The following AGTPBP1 variants were observed in gnomAD, a reference collection of about 807,000 sequenced individuals.
AGTPBP1 encodes ATP/GTP binding carboxypeptidase 1.
Under a neutral mutation model 143.9 loss-of-function variants are expected in AGTPBP1, and 70 were observed. The observed-to-expected ratio is 0.49, with a 90% CI of 0.40 to 0.59. The LOEUF is 0.59. Among genes scored for constraint, AGTPBP1 ranks in the 20% least tolerant of loss-of-function variants. AGTPBP1 has a pLI of 0.00. For synonymous variants in AGTPBP1, 463 were observed against 500.2 expected (o/e 0.93, Z 0.99); for missense variants, 1,229 against 1,464.5 (o/e 0.84, Z 2.62).
intron 23 of AGTPBP1, among the ~76,000 whole-genome samples, chr9:85,582,702 A>G (rs971683717): frequency 6.6e-6 from 1 of 151,996 alleles, no homozygotes; most frequent in Non-Finnish European, 1.5e-5. Flanking sequence ...CACTCCATTT[A>G]TATGTCATAA....
chr9:85,763,922 T>C, the AGTPBP1 span, among the ~76,000 whole-genome samples: 1 of 152,214 alleles, frequency 6.6e-6, no homozygotes, highest in Non-Finnish European at 1.5e-5. Flanking sequence ...ACAAATTACC[T>C]GAAATTTGAC....
Position 85,741,813 on chromosome 9 carries a change from CG to C in AGTPBP1, c.-73del. On this transcript the variant is annotated 5_prime_UTR_variant, in exon 1 of 26. An upstream open reading frame in the 5' UTR gains an earlier in-frame stop. Coordinates refer to ENST00000357081, the MANE Select transcript of AGTPBP1 (RefSeq NM_001330701.2). ...GGCGCTGGCGGGGACCGCGCAGAGC[CG>C]CAGCACCCGGCTCAGCACCTGGATC... The C allele has an allele frequency of 7.2e-7, 1 of 1,382,128 alleles. No individual in the cohort carries two copies. Among genetic ancestry groups the C allele is most frequent in the Non-Finnish European group, 9.3e-7 (1 of 1,069,730 alleles). The allele number at this position is 1,382,128 out of a possible 1,614,324, so 85.6% of individuals were successfully genotyped here. A position where few individuals can be genotyped will look rare whatever the true frequency, so the allele number is the denominator to read the frequency against.
chr9:85,693,440 T>C (rs1450116524), intron 2 of AGTPBP1, among the ~76,000 whole-genome samples: 1 of 151,992 alleles, frequency 6.6e-6, no homozygotes, highest in Non-Finnish European at 1.5e-5. Flanking sequence ...TTACTAAAAA[T>C]ACAAAAAAAT....
At chr9:85,659,273 C>A (rs548764849) in intron 9 of AGTPBP1, among the ~76,000 whole-genome samples, 41 of 152,216 alleles carry the variant, frequency 2.7e-4, no homozygotes, top group African/African-American at 9.6e-4. Context: ...GTCTCTTCTT[C>A]CCTCTCTAAA....
chr9:85,671,273 A>AT (rs1476775023), intron 7 of AGTPBP1, among the ~76,000 whole-genome samples: 1 of 151,976 alleles, frequency 6.6e-6, no homozygotes, highest in African/African-American at 2.4e-5. Flanking sequence ...ATACAGTTTT[A>AT]TTTTTTAAAT....
the AGTPBP1 span, among the ~76,000 whole-genome samples, chr9:85,797,314 G>T: frequency 6.6e-6 from 1 of 151,882 alleles, no homozygotes; most frequent in African/African-American, 2.4e-5. Flanking sequence ...TCACAATGTT[G>T]CCTGGCCTGG....
chr9:85,653,555 G>A (rs1043025370), intron 11 of AGTPBP1, among the ~76,000 whole-genome samples: 4 of 152,132 alleles, frequency 2.6e-5, no homozygotes, highest in African/African-American at 4.8e-5. Flanking sequence ...ACTACTGGCC[G>A]CAGCACAGGG....
chr9:85,728,163 G>A (rs554299796), intron 1 of AGTPBP1, among the ~76,000 whole-genome samples: 1 of 151,504 alleles, frequency 6.6e-6, no homozygotes, highest in African/African-American at 2.4e-5. Context: ...TTGTTTCTTG[G>A]GCTTGTGAGT....
upstream of AGTPBP1, chr9:85,742,135 C>G (rs1392873684): frequency 3.7e-6 from 3 of 815,790 alleles, no homozygotes; most frequent in East Asian, 1.6e-4. Flanking sequence ...CCCCGCCTCT[C>G]TGCGCGCCTG....
chr9:85,572,898 T>C (rs570599734), intron 25 of AGTPBP1, among the ~76,000 whole-genome samples: 31 of 152,310 alleles, frequency 2.0e-4, no homozygotes, highest in African/African-American at 6.7e-4. Flanking sequence ...CTAAAACTAC[T>C]ATACTGACAT....
Position 85,677,606 on chromosome 9 carries a change from T to C in AGTPBP1, c.290-24A>G, listed in dbSNP as rs766033644. 6.4e-6 allele frequency: 9 copies of C among 1,397,330 alleles called. No individual in the cohort carries two copies. The South Asian group carries it at 1.3e-4, about 20-fold the overall frequency. The allele number at this position is 1,397,330 out of a possible 1,614,324, so 86.6% of individuals were successfully genotyped here. A position where few individuals can be genotyped will look rare whatever the true frequency, so the allele number is the denominator to read the frequency against. Reference sequence around the variant, plus strand: ...ACCTAAAAATTAAAAAAAAAAAAAATTTAAACAACAAATTAAAAAAAAATT... The same window carrying C: ...ACCTAAAAATTAAAAAAAAAAAAAACTTAAACAACAAATTAAAAAAAAATT... On this transcript the variant is annotated intron_variant, in intron 5 of 25. Coordinates refer to ENST00000357081, the MANE Select transcript of AGTPBP1 (RefSeq NM_001330701.2).
At chr9:85,795,968 T>C in the AGTPBP1 span, among the ~76,000 whole-genome samples, 13 of 147,634 alleles carry the variant, frequency 8.8e-5, no homozygotes, top group African/African-American at 3.3e-4. Flanking sequence ...TAAGAGATGG[T>C]TGGAGAGTGG....
intron 1 of AGTPBP1, among the ~76,000 whole-genome samples, chr9:85,730,377 T>C (rs1838799453): frequency 6.6e-6 from 1 of 152,190 alleles, no homozygotes; most frequent in Non-Finnish European, 1.5e-5. Flanking sequence ...TTAAGCTGTG[T>C]CAGTAGACGG....
intron 2 of AGTPBP1, among the ~76,000 whole-genome samples, chr9:85,703,807 GA>G (rs1232445118): frequency 6.6e-6 from 1 of 152,190 alleles, no homozygotes; most frequent in African/African-American, 2.4e-5. Context: ...GTTAAAAGGA[GA>G]AAAAGTTTAG....
At chr9:85,625,990 A>G (rs1195511226) in intron 14 of AGTPBP1, among the ~76,000 whole-genome samples, 1 of 147,822 alleles carries the variant, frequency 6.8e-6, no homozygotes, top group African/African-American at 2.5e-5. Flanking sequence ...TCTCTGCAGG[A>G]TGGGACAAAA....
At position 85,711,077 on chromosome 9, in the gene AGTPBP1, A is replaced by C. The variant is rs186371215; in HGVS notation, c.32+1425T>G. ...ATTCATTATATAACAGATTTAACGC[A>C]TACCAATGAATGTAAAGTTATATAC... On this transcript the variant is annotated intron_variant, in intron 2 of 25. Coordinates refer to ENST00000357081, the MANE Select transcript of AGTPBP1 (RefSeq NM_001330701.2). Among the ~76,000 whole-genome samples, 75 of 152,342 alleles carry C rather than the reference A, an allele frequency of 4.9e-4. 1 individual carries two copies. The highest frequency in any genetic ancestry group is 1.4e-3 in the African/African-American group (59 of 41,588).
intron 25 of AGTPBP1, among the ~76,000 whole-genome samples, chr9:85,549,128 G>T (rs11141017): frequency 6.6e-6 from 1 of 152,184 alleles, no homozygotes; most frequent in Middle Eastern, 3.2e-3. Flanking sequence ...GGAAAAGAGG[G>T]AAGGGAGAAA....
At chr9:85,779,226 TATAGATATAG>T in the AGTPBP1 span, among the ~76,000 whole-genome samples, 46 of 136,872 alleles carry the variant, frequency 3.4e-4, no homozygotes, top group African/African-American at 1.4e-3. Context: ...TAGATATAGA[TATAGATATAG>T]ATATAGATAT....
chr9:85,709,298 A>G (rs1837215545), intron 2 of AGTPBP1, among the ~76,000 whole-genome samples: 1 of 152,234 alleles, frequency 6.6e-6, no homozygotes, highest in African/African-American at 2.4e-5. Context: ...AATTCTCAGC[A>G]TACTAGAATA....
Sources: gnomAD v4.1 joint callset for allele counts (sites outside exome capture counted in the v4.1 genomes callset) on GRCh38, gnomAD v4.1.1 for gene constraint, MANE v1.5 for transcripts, NCBI Gene and HGNC (gene_info 2026-07-23, HGNC 2026-07-21) for gene names.